The following NKAIN3 variants were observed in gnomAD, a reference collection of about 807,000 sequenced individuals.
NKAIN3 encodes sodium/potassium transporting ATPase interacting 3, also known as sodium/potassium-transporting ATPase subunit beta-1-interacting protein 3.
NKAIN3 carries 25 observed loss-of-function variants against 30.2 expected under a neutral mutation model. The ratio of observed to expected loss-of-function variants is 0.83; its 90% CI spans 0.60 to 1.16. The LOEUF (loss-of-function observed/expected upper bound fraction) is 1.16, where lower values mean the gene tolerates loss of function less well. Ranked by LOEUF, NKAIN3 falls within the 50% of genes most tolerant of loss-of-function variation. The pLI, the probability that NKAIN3 is intolerant of heterozygous loss-of-function variation, is 0.00. For missense variants in NKAIN3, 225 were observed against 254.1 expected, an observed-to-expected ratio of 0.89 and a Z score of 0.78; for synonymous variants, 91 against 89.6, an observed-to-expected ratio of 1.02 and a Z score of -0.09.
At chr8:62,464,012 A>C (rs952282408) in intron 1 of NKAIN3, among the ~76,000 whole-genome samples, 4 of 152,180 alleles carry the variant, frequency 2.6e-5, no homozygotes, top group Non-Finnish European at 5.9e-5. Context: ...TATTCCTAGG[A>C]CATAAAGAGG....
chr8:62,784,185 G>A (rs951136357), intron 4 of NKAIN3, among the ~76,000 whole-genome samples: 1 of 151,918 alleles, frequency 6.6e-6, no homozygotes, highest in African/African-American at 2.4e-5. Flanking sequence ...AATGAAAAAG[G>A]TTTTCAAACA....
intron 1 of NKAIN3, among the ~76,000 whole-genome samples, chr8:62,383,685 A>C (rs1007962480): frequency 6.6e-6 from 1 of 152,146 alleles, no homozygotes; most frequent in African/African-American, 2.4e-5. Flanking sequence ...GTCCTTCACC[A>C]TCCTTTTGCT....
intron 1 of NKAIN3, among the ~76,000 whole-genome samples, chr8:62,432,158 A>C (rs535528441): frequency 1.3e-5 from 2 of 152,080 alleles, no homozygotes; most frequent in African/African-American, 2.4e-5. Flanking sequence ...ATGCACAAAA[A>C]GGTCTCTGAT....
chr8:62,359,568 T>C (rs1414855205), intron 1 of NKAIN3, among the ~76,000 whole-genome samples: 2 of 152,200 alleles, frequency 1.3e-5, no homozygotes, highest in Non-Finnish European at 2.9e-5. Context: ...ATGTCTCCCA[T>C]GCTCCACTCA....
At chr8:62,322,022 G>C (rs1814937749) in intron 1 of NKAIN3, among the ~76,000 whole-genome samples, 1 of 152,120 alleles carries the variant, frequency 6.6e-6, no homozygotes, top group African/African-American at 2.4e-5. Flanking sequence ...TCAAGCCTCG[G>C]CAATGGCCGA....
chr8:62,717,911 C>T (rs757061577), intron 3 of NKAIN3, among the ~76,000 whole-genome samples: 1 of 152,166 alleles, frequency 6.6e-6, no homozygotes, highest in Non-Finnish European at 1.5e-5. Flanking sequence ...TCCATTCTCA[C>T]ACTGCTGATA....
intron 4 of NKAIN3, among the ~76,000 whole-genome samples, chr8:62,881,835 C>T (rs116550394): frequency 0.023 from 3,558 of 152,278 alleles, 56 homozygotes; most frequent in Middle Eastern, 0.041. Context: ...GCATCTGGAC[C>T]ATTTTGTATT....
At chr8:62,290,450 G>T (rs1813555183) in intron 1 of NKAIN3, among the ~76,000 whole-genome samples, 1 of 152,154 alleles carries the variant, frequency 6.6e-6, no homozygotes, top group Non-Finnish European at 1.5e-5. Flanking sequence ...TTTTTAGCAT[G>T]AAGGGCTATT....
rs117234644 is a variant in NKAIN3, at chr8:62,710,101, C to G, written c.274-36831C>G. 2.6e-3 allele frequency among the ~76,000 whole-genome samples: 395 copies of G among 152,176 alleles called. 18 individuals carry two copies. The East Asian group carries it at 0.065, about 25-fold the overall frequency. ...TCTGAGAGAGTGCTTGTTATAATTT[C>G]CATTTTCTTAAATTTACTGAAGCTC... On this transcript the variant is annotated intron_variant, in intron 3 of 6. Transcript: ENST00000623646.
chr8:62,432,815 A>G (rs1805056890), intron 1 of NKAIN3, among the ~76,000 whole-genome samples: 1 of 152,120 alleles, frequency 6.6e-6, no homozygotes, highest in African/African-American at 2.4e-5. Flanking sequence ...CTTCATTGAG[A>G]AGATCACTAT....
chr8:62,579,432 G>C, intron 1 of NKAIN3, 107 bp from the exon 2 acceptor site: 1 of 767,428 alleles, frequency 1.3e-6, no homozygotes, highest in Non-Finnish European at 2.0e-6. Context: ...GTGACAAAAA[G>C]TGTGATTGAA....
rs1216314282 is a variant in NKAIN3, at chr8:62,972,111, T to C, written c.*6704T>C. The stretch of plus-strand genomic sequence containing the variant: ...CCTTCTCTTCTGAATTGATTGGTAG[T>C]GTTGTTATTTTCTTGTTATTCAGTT... On this transcript the variant is annotated 3_prime_UTR_variant, in exon 7 of 7. Transcript: ENST00000623646. Among the ~76,000 whole-genome samples the C allele has an allele frequency of 6.6e-6, 1 of 152,200 alleles. No homozygotes were observed. Among genetic ancestry groups the C allele is most frequent in the Non-Finnish European group, 1.5e-5 (1 of 68,038 alleles).
intron 1 of NKAIN3, among the ~76,000 whole-genome samples, chr8:62,374,434 T>C (rs938198323): frequency 6.6e-6 from 1 of 152,180 alleles, no homozygotes; most frequent in African/African-American, 2.4e-5. Flanking sequence ...TCTGCAGGAG[T>C]GATGCAGTAC....
intron 4 of NKAIN3, among the ~76,000 whole-genome samples, chr8:62,799,863 G>T (rs1387531565): frequency 2.0e-5 from 3 of 152,118 alleles, no homozygotes; most frequent in Admixed American, 6.6e-5. Flanking sequence ...TGCAATACTA[G>T]TCAGCCATAA....
chr8:62,923,153 C>G (rs1483198020), intron 5 of NKAIN3, among the ~76,000 whole-genome samples: 3 of 151,808 alleles, frequency 2.0e-5, no homozygotes, highest in East Asian at 3.9e-4. Context: ...AAAAACATAG[C>G]CGGGTGTGGT....
At chr8:62,613,649 C>G (rs944290278) in intron 3 of NKAIN3, among the ~76,000 whole-genome samples, 1 of 152,040 alleles carries the variant, frequency 6.6e-6, no homozygotes, top group Non-Finnish European at 1.5e-5. Context: ...AGGCCAGTGA[C>G]TTAGATTTTC....
At chr8:62,898,428 C>A (rs1293995793) in intron 4 of NKAIN3, among the ~76,000 whole-genome samples, 1 of 152,060 alleles carries the variant, frequency 6.6e-6, no homozygotes, top group Non-Finnish European at 1.5e-5. Context: ...TTGGATGGAA[C>A]TTGAGACCAT....
chr8:62,314,648 C>G (rs567722383), intron 1 of NKAIN3, among the ~76,000 whole-genome samples: 2 of 152,282 alleles, frequency 1.3e-5, no homozygotes, highest in East Asian at 3.9e-4. Flanking sequence ...CATTAGGTCA[C>G]TCGCTTGTCA....
intron 1 of NKAIN3, among the ~76,000 whole-genome samples, chr8:62,397,611 A>G (rs1307712611): frequency 6.6e-6 from 1 of 152,182 alleles, no homozygotes; most frequent in Non-Finnish European, 1.5e-5. Context: ...TATCCACTAG[A>G]TCACACTCCC....
Sources: allele counts gnomAD v4.1 joint callset (sites outside exome capture counted in the v4.1 genomes callset), GRCh38; gene constraint gnomAD v4.1.1; transcripts MANE v1.5; gene names NCBI Gene and HGNC (gene_info 2026-07-23, HGNC 2026-07-21).